The following TTC7B variants were observed in gnomAD, a reference collection of about 807,000 sequenced individuals.
TTC7B encodes the protein tetratricopeptide repeat protein 7B.
A neutral mutation model predicts 106.8 loss-of-function variants in TTC7B; 28 were observed. The ratio of observed to expected loss-of-function variants is 0.26; its 90% confidence interval spans 0.19 to 0.36. The LOEUF (loss-of-function observed/expected upper bound fraction) is 0.36, where lower values mean the gene tolerates loss of function less well. TTC7B is among the 10% of genes least tolerant of loss of function. TTC7B has a pLI of 1.00. For synonymous variants in TTC7B, 405 were observed against 430.6 expected, an observed-to-expected ratio of 0.94 and a Z score of 0.74; for missense variants, 862 against 1,076.4, an observed-to-expected ratio of 0.80 and a Z score of 2.79.
chr14:90,720,559 T>C (rs1888854405), intron 5 of TTC7B, among the ~76,000 whole-genome samples: 1 of 152,144 alleles, frequency 6.6e-6, no homozygotes, highest in South Asian at 2.1e-4. Flanking sequence ...TGCAGTGTGT[T>C]CATTCACGAT....
At chr14:90,546,947 A>T (rs1889863821) in intron 19 of TTC7B, among the ~76,000 whole-genome samples, 1 of 152,222 alleles carries the variant, frequency 6.6e-6, no homozygotes, top group Non-Finnish European at 1.5e-5. Context: ...ACAGGTAGCT[A>T]GCGGCAGAGC....
At chr14:90,658,790 A>G (rs1216660106) in intron 9 of TTC7B, among the ~76,000 whole-genome samples, 1 of 152,222 alleles carries the variant, frequency 6.6e-6, no homozygotes, top group Non-Finnish European at 1.5e-5. Flanking sequence ...GGCCTTCCCC[A>G]GCCCAGCCCC....
At position 90,578,127 on chromosome 14, in the gene TTC7B, G is replaced by A. The variant is rs538193691; in HGVS notation, c.2289C>T (p.His763=). 15 of 1,611,824 alleles carry A rather than the reference G, an allele frequency of 9.3e-6. No homozygotes were observed. In the Middle Eastern group the frequency reaches 8.3e-4, roughly 89 times the overall value. ...YEEALAISPT[H]VKSMQRLALI... is the part of the protein sequence containing the mutation. ...TCACCAGTCGCTGCATGCTCTTCAC[G>A]TGGGTGGGGCTGATGGCTAAGGCCT... The change falls in exon 19 of 20, where the codon CAC becomes CAT. Residue 763 remains histidine (H), a synonymous_variant. Transcript: ENST00000328459. The surrounding 1 kb of genome is among the most constrained non-coding windows in gnomAD (Gnocchi z 4.7).
chr14:90,740,605 G>A (rs1024297834), intron 4 of TTC7B, among the ~76,000 whole-genome samples: 1 of 143,512 alleles, frequency 7.0e-6, no homozygotes, highest in East Asian at 2.1e-4. Context: ...AGGTTCATGC[G>A]ATTCTCCTGC....
At chr14:90,592,356 A>T (rs1266385781) in intron 18 of TTC7B, among the ~76,000 whole-genome samples, 1 of 152,224 alleles carries the variant, frequency 6.6e-6, no homozygotes, top group East Asian at 1.9e-4. Flanking sequence ...ATAAATATGT[A>T]AGTAAATCCA....
intron 5 of TTC7B, among the ~76,000 whole-genome samples, chr14:90,711,187 G>A (rs1350466395): frequency 1.3e-5 from 2 of 152,164 alleles, no homozygotes; most frequent in East Asian, 1.9e-4. Flanking sequence ...ATGTAAATAT[G>A]TGGGTAAATA....
At chr14:90,595,932 T>C (rs1224753573) in intron 17 of TTC7B, among the ~76,000 whole-genome samples, 1 of 152,184 alleles carries the variant, frequency 6.6e-6, no homozygotes, top group Non-Finnish European at 1.5e-5. Flanking sequence ...TGAGCTCTCC[T>C]GCTTCCCTGC....
chr14:90,679,182 G>C (rs537662567), intron 8 of TTC7B, among the ~76,000 whole-genome samples: 1 of 152,340 alleles, frequency 6.6e-6, no homozygotes, highest in Admixed American at 6.5e-5. Flanking sequence ...GCTTCCTTGA[G>C]AGGAAGTAAG....
intron 17 of TTC7B, among the ~76,000 whole-genome samples, chr14:90,609,352 C>T (rs2139840218): frequency 6.6e-6 from 1 of 152,344 alleles, no homozygotes; most frequent in East Asian, 1.9e-4. Flanking sequence ...CCAGGAGCTG[C>T]AGGACTTTTG....
intron 2 of TTC7B, among the ~76,000 whole-genome samples, chr14:90,783,193 C>A (rs1013319199): frequency 5.3e-5 from 8 of 152,234 alleles, no homozygotes; most frequent in Admixed American, 3.9e-4. Context: ...TGCCTTGAAT[C>A]ACAAGCCAGA....
rs1258975186 is a variant in TTC7B at position 90,530,857 on chromosome 14, G to A, written c.*10511C>T. ...GGAAATGTGCGTTGTTTTATTGGGT[G>A]CAGTGTATACTGCTCGGGTGATGGG... On this transcript the variant is annotated 3_prime_UTR_variant, in exon 20 of 20. Coordinates refer to ENST00000328459, the MANE Select transcript of TTC7B (RefSeq NM_001010854.2). 1.3e-5 allele frequency: 2 copies of A among 152,222 alleles called. No homozygotes were observed. The highest frequency in any genetic ancestry group is 2.4e-5 in the African/African-American group (1 of 41,444). The allele number at this position is 152,222 out of a possible 1,614,324, so 9.4% of individuals were successfully genotyped here. A position where few individuals can be genotyped will look rare whatever the true frequency, so the allele number is the denominator to read the frequency against.
intron 9 of TTC7B, among the ~76,000 whole-genome samples, chr14:90,661,515 T>C (rs576499529): frequency 6.6e-6 from 1 of 151,994 alleles, no homozygotes; most frequent in South Asian, 2.1e-4. Context: ...AAGCTAGCAA[T>C]ACCTAGAAAC....
At chr14:90,676,401 CCAAGAT>C in intron 9 of TTC7B, 116 bp downstream of exon 9, 1 of 1,218,202 alleles carries the variant, frequency 8.2e-7, no homozygotes, top group East Asian at 2.4e-5. Flanking sequence ...AGTGACTGGC[CCAAGAT>C]CACATGGCTG....
chr14:90,610,398 G>T (rs1430807581), intron 17 of TTC7B, among the ~76,000 whole-genome samples: 1 of 152,244 alleles, frequency 6.6e-6, no homozygotes, highest in African/African-American at 2.4e-5. Flanking sequence ...CTTGCTTTCA[G>T]CAAGGTCTGA....
chr14:90,729,969 C>A, intron 5 of TTC7B, 106 bp downstream of exon 5: 1 of 1,215,236 alleles, frequency 8.2e-7, no homozygotes, highest in Non-Finnish European at 1.1e-6. Context: ...AATGGTAGTT[C>A]ATATTTAAAA....
intron 3 of TTC7B, among the ~76,000 whole-genome samples, chr14:90,751,573 T>A (rs1038987171): frequency 1.3e-5 from 2 of 151,342 alleles, no homozygotes; most frequent in Non-Finnish European, 3.0e-5. Context: ...TTTCTTTTTA[T>A]TTATTTTTTT....
chr14:90,571,520 AG>A (rs1891035064), intron 19 of TTC7B, among the ~76,000 whole-genome samples: 1 of 152,254 alleles, frequency 6.6e-6, no homozygotes, highest in African/African-American at 2.4e-5. Context: ...AGGAAAAAAA[AG>A]TTATTCTCCT....
chr14:90,720,233 C>A (rs1271125540), intron 5 of TTC7B, among the ~76,000 whole-genome samples: 1 of 152,162 alleles, frequency 6.6e-6, no homozygotes, highest in Non-Finnish European at 1.5e-5. Flanking sequence ...TGCTCAGTCA[C>A]TTCCTCAGGA....
intron 19 of TTC7B, among the ~76,000 whole-genome samples, chr14:90,562,900 T>A (rs1890646818): frequency 6.6e-6 from 1 of 152,118 alleles, no homozygotes; most frequent in African/African-American, 2.4e-5. Flanking sequence ...GCGCCTCTAC[T>A]CGGCTGCCAG....
Sources: allele counts gnomAD v4.1 joint callset (sites outside exome capture counted in the v4.1 genomes callset), GRCh38; gene constraint gnomAD v4.1.1; non-coding constraint Gnocchi (gnomAD v3.1); transcripts MANE v1.5; gene names NCBI Gene and HGNC (gene_info 2026-07-23, HGNC 2026-07-21).